The following RUFY2 variants were observed in gnomAD, a reference collection of about 807,000 sequenced individuals.
The protein encoded by RUFY2 is RUN and FYVE domain containing 2.
Under a neutral mutation model 94.4 loss-of-function variants are expected in RUFY2, and 49 were observed. The ratio of observed to expected loss-of-function variants is 0.52; its 90% CI spans 0.41 to 0.66. The LOEUF is 0.66. Ranked by LOEUF, RUFY2 falls within the 30% of genes least tolerant of loss-of-function variation. RUFY2 has a pLI of 0.00. For synonymous variants in RUFY2, 255 were observed against 235.7 expected (o/e 1.08, Z -0.75); for missense variants, 541 against 692.8 (o/e 0.78, Z 2.46).
intron 8 of RUFY2, among the ~76,000 whole-genome samples, chr10:68,384,589 A>C (rs1369486047): frequency 6.6e-6 from 1 of 152,200 alleles, no homozygotes; most frequent in Non-Finnish European, 1.5e-5. Flanking sequence ...TGTAATACAG[A>C]CATTTGTGGT....
chr10:68,356,353 A>G (rs1156487273), intron 15 of RUFY2, among the ~76,000 whole-genome samples: 2 of 151,952 alleles, frequency 1.3e-5, no homozygotes, highest in African/African-American at 4.8e-5. Flanking sequence ...TAAAAATACA[A>G]AAATTAGCTG....
chr10:68,376,491 T>TATATATATTCA (rs1589884310), intron 13 of RUFY2, among the ~76,000 whole-genome samples: 2 of 103,434 alleles, frequency 1.9e-5, no homozygotes, highest in Non-Finnish European at 2.0e-5. Context: ...TATATATATA[T>TATATATATTCA]TCTCAGAAAA....
Position 68,345,652 on chromosome 10 carries a change from C to G in RUFY2, c.*116G>C. The G allele has an allele frequency of 1.3e-6, 1 of 798,240 alleles. No individual in the cohort carries two copies. The allele number at this position is 798,240 out of a possible 1,614,324, so 49.4% of individuals were successfully genotyped here. A position where few individuals can be genotyped will look rare whatever the true frequency, so the allele number is the denominator to read the frequency against. On this transcript the variant is annotated 3_prime_UTR_variant, in exon 18 of 18. Transcript: ENST00000602465. ...ATGAGCTGAATATGTAGAAGATAAA[C>G]TGGTACCAAATACTGACCGAAAGCC... is the stretch of plus-strand genomic sequence containing the variant.
intron 16 of RUFY2, among the ~76,000 whole-genome samples, chr10:68,351,175 A>G (rs941601905): frequency 1.6e-5 from 2 of 123,248 alleles, no homozygotes; most frequent in African/African-American, 6.7e-5. Context: ...CCTGTTGCCC[A>G]GACTGGAGTG....
intron 16 of RUFY2, among the ~76,000 whole-genome samples, chr10:68,354,899 T>G (rs1306891094): frequency 1.3e-5 from 2 of 150,252 alleles, no homozygotes; most frequent in East Asian, 3.9e-4. Context: ...CAGGATGGAG[T>G]GCAAGGGCAT....
At position 68,407,213 on chromosome 10, in the gene RUFY2, G is replaced by C. The variant is rs1200335175; in HGVS notation, c.-24C>G. On this transcript the variant is annotated 5_prime_UTR_variant, in exon 1 of 18. Transcript: ENST00000602465. The stretch of plus-strand genomic sequence containing the variant: ...ATGGCGGCGGCGGCTGCGCGGTCTC[G>C]GGCGGAGGCTCCCTCGGCCTGTCCA... 1.1e-5 allele frequency: 16 copies of C among 1,401,894 alleles called. No individual in the cohort carries two copies. Among genetic ancestry groups the C allele is most frequent in the African/African-American group, 3.1e-5 (2 of 65,400 alleles). 86.8% of individuals were successfully genotyped at this position (1,401,894 alleles called of 1,614,324 possible).
intron 15 of RUFY2, among the ~76,000 whole-genome samples, chr10:68,358,103 G>A (rs1289499936): frequency 4.6e-5 from 7 of 152,034 alleles, no homozygotes; most frequent in Non-Finnish European, 8.8e-5. Flanking sequence ...CAGGAAAATC[G>A]CTTGAACCTG....
At chr10:68,396,364 TA>T (rs532031471) in intron 4 of RUFY2, among the ~76,000 whole-genome samples, 41 of 140,312 alleles carry the variant, frequency 2.9e-4, no homozygotes, top group Admixed American at 5.0e-4. Context: ...ATTCAAATTC[TA>T]AAAAAAAAAA....
chr10:68,385,174 G>A (rs1046012926), intron 8 of RUFY2, among the ~76,000 whole-genome samples: 1 of 151,952 alleles, frequency 6.6e-6, no homozygotes, highest in African/African-American at 2.4e-5. Context: ...TGAGGCAGGA[G>A]AATCGCTTGC....
intron 11 of RUFY2, among the ~76,000 whole-genome samples, chr10:68,380,840 C>T (rs927998397): frequency 1.3e-5 from 2 of 151,774 alleles, no homozygotes; most frequent in Admixed American, 6.6e-5. Context: ...CCAGCCTGGG[C>T]AACAGAGCGA....
At chr10:68,379,320 C>T in intron 12 of RUFY2, 104 bp downstream of exon 12, 2 of 857,852 alleles carry the variant, frequency 2.3e-6, no homozygotes, top group Non-Finnish European at 3.6e-6. Flanking sequence ...AAAACATGTC[C>T]TAATCTATGT....
Position 68,377,960 on chromosome 10 carries a change from A to G in RUFY2, c.1206-988T>C. 3 of 985,374 alleles carry G rather than the reference A, an allele frequency of 3.0e-6. No homozygotes were observed. The South Asian group carries it at 1.4e-4, about 46-fold the overall frequency. The allele number at this position is 985,374 out of a possible 1,614,324, so 61.0% of individuals were successfully genotyped here. A position where few individuals can be genotyped will look rare whatever the true frequency, so the allele number is the denominator to read the frequency against. ...TAACATTTAAGTTATCTCCAAATCCAAGTTTAAATTAAAATATTCAGGTGC... is the reference window on the plus strand; with the variant it reads ...TAACATTTAAGTTATCTCCAAATCCGAGTTTAAATTAAAATATTCAGGTGC... On this transcript the variant is annotated intron_variant, in intron 12 of 17. Transcript: ENST00000602465.
intron 16 of RUFY2, among the ~76,000 whole-genome samples, chr10:68,351,738 G>A (rs1039394246): frequency 1.4e-4 from 21 of 148,948 alleles, no homozygotes; most frequent in African/African-American, 4.9e-4. Flanking sequence ...GTGAGCCACT[G>A]CACCCGGCCC....
chr10:68,343,287 G>T (rs748538154), downstream of RUFY2: 3 of 152,220 alleles, frequency 2.0e-5, no homozygotes, highest in Admixed American at 1.3e-4. Context: ...TATGATTTAG[G>T]AGAGGGAGCC....
At chr10:68,347,747 A>G (rs2046386203) in intron 16 of RUFY2, among the ~76,000 whole-genome samples, 1 of 152,204 alleles carries the variant, frequency 6.6e-6, no homozygotes, top group Non-Finnish European at 1.5e-5. Flanking sequence ...ATGTTCCTAA[A>G]ACAGCCCAGA....
At chr10:68,396,254 T>A (rs537270221) in intron 4 of RUFY2, among the ~76,000 whole-genome samples, 1 of 152,046 alleles carries the variant, frequency 6.6e-6, no homozygotes, top group Non-Finnish European at 1.5e-5. Context: ...CCTCCCACAG[T>A]GCTGGGATTA....
chr10:68,349,142 C>T (rs186621419), intron 16 of RUFY2, among the ~76,000 whole-genome samples: 45 of 152,304 alleles, frequency 3.0e-4, no homozygotes, highest in African/African-American at 1.0e-3. Flanking sequence ...AACCAATACA[C>T]ACACAAGGTT....
At position 68,344,804 on chromosome 10, in the gene RUFY2, G is replaced by A. The variant is rs1295139506; in HGVS notation, c.*964C>T. Reference sequence around the variant, plus strand: ...GTATACAGGTAGGCCACTACAATGTGATACTTCCTAAAATTTACTCCAATG... The same window carrying A: ...GTATACAGGTAGGCCACTACAATGTAATACTTCCTAAAATTTACTCCAATG... On this transcript the variant is annotated 3_prime_UTR_variant, in exon 18 of 18. Coordinates refer to ENST00000602465, the MANE Select transcript of RUFY2 (RefSeq NM_001330103.2). The A allele has an allele frequency of 2.6e-5, 4 of 152,190 alleles. No homozygotes were observed. The highest frequency in any genetic ancestry group is 5.9e-5 in the Non-Finnish European group (4 of 68,034). The allele number at this position is 152,190 out of a possible 1,614,324, so 9.4% of individuals were successfully genotyped here.
intron 3 of RUFY2, among the ~76,000 whole-genome samples, chr10:68,400,340 G>T (rs2050718866): frequency 6.6e-6 from 1 of 151,454 alleles, no homozygotes; most frequent in African/African-American, 2.4e-5. Context: ...AATAAACAAA[G>T]ACAAACAAAA....
Sources: gnomAD v4.1 joint callset for allele counts (sites outside exome capture counted in the v4.1 genomes callset) on GRCh38, gnomAD v4.1.1 for gene constraint, MANE v1.5 for transcripts, NCBI Gene and HGNC (gene_info 2026-07-23, HGNC 2026-07-21) for gene names.